Variants in ZXDC observed in about 807,000 individuals in gnomAD.
ZXDC encodes the protein ZXD family zinc finger C.
Under a neutral mutation model 63.6 loss-of-function variants are expected in ZXDC, and 58 were observed. The observed-to-expected ratio is 0.91, with a 90% CI of 0.74 to 1.13. ZXDC has a LOEUF of 1.13. ZXDC is among the 50% of genes most tolerant of loss of function. The pLI is 0.00. For synonymous variants in ZXDC, 561 were observed against 496.1 expected, an observed-to-expected ratio of 1.13 and a Z score of -1.74; for missense variants, 1,133 against 1,148.9, an observed-to-expected ratio of 0.99 and a Z score of 0.20.
Position 126,460,833 on chromosome 3 carries a change from A to G in ZXDC, c.2127+702T>C. 3.0e-6 allele frequency: 3 copies of G among 985,452 alleles called. No homozygotes were observed. In the South Asian group the frequency reaches 1.4e-4, roughly 46 times the overall value. 61.0% of individuals were successfully genotyped at this position (985,452 alleles called of 1,614,324 possible). A position where few individuals can be genotyped will look rare whatever the true frequency, so the allele number is the denominator to read the frequency against. Reference sequence around the variant, plus strand: ...TGTAACATTTTTTAAAAGTTGTGGTAAAATAAGATGTAACATTCTCAACAA... The same window carrying G: ...TGTAACATTTTTTAAAAGTTGTGGTGAAATAAGATGTAACATTCTCAACAA... On this transcript the variant is annotated intron_variant, in intron 6 of 9. Transcript: ENST00000389709.
rs752070651 is a variant in ZXDC at position 126,461,715 on chromosome 3, A to C, written c.1947T>G (p.Asn649Lys). 2.0e-5 allele frequency: 32 copies of C among 1,608,114 alleles called. No homozygotes were observed. In the Admixed American group the frequency reaches 2.5e-4, roughly 13 times the overall value. Residue 649 changes from asparagine (N) to lysine (K), a missense_variant, in exon 6 of 10, where the codon AAT becomes AAG. Physicochemically the swap from Asn to Lys is moderately conservative, Grantham distance 94 (BLOSUM62 0). Transcript: ENST00000389709. ...TPTSSSTPRE[N>K]ASVPELLAPI... Reference sequence around the variant, plus strand: ...GAGCCAGCAGTTCCGGGACACTGGCATTTTCTCGGGGGGTGCTCGAAGAGG... The same window carrying C: ...GAGCCAGCAGTTCCGGGACACTGGCCTTTTCTCGGGGGGTGCTCGAAGAGG...
chr3:126,440,991 G>A (rs1396030706), intron 8 of ZXDC: 1 of 985,492 alleles, frequency 1.0e-6, no homozygotes, highest in African/African-American at 1.7e-5. Context: ...CCTGCCACAG[G>A]GAATCTACAA....
At position 126,462,013 on chromosome 3, in the gene ZXDC, C is replaced by G; in HGVS notation, c.1649G>C (p.Gly550Ala). The change falls in exon 6 of 10, where the codon GGA (glycine) becomes GCA (alanine). Residue 550 changes from glycine to alanine, a missense_variant. By Grantham distance (60) the Gly-to-Ala change is moderately conservative. Transcript: ENST00000389709. ...IDVTSVSSSL[G>A]GNLPANNSSL... ...GCTATTATTAGCAGGGAGGTTCCCT[C>G]CCAGAGAGGAGCTCACAGAAGTGAC... 1 of 1,614,094 alleles carries G rather than the reference C, an allele frequency of 6.2e-7. No individual in the cohort carries two copies. The highest frequency in any genetic ancestry group is 8.5e-7 in the Non-Finnish European group (1 of 1,180,028).
At chr3:126,465,096 G>A (rs961129144) in intron 5 of ZXDC, among the ~76,000 whole-genome samples, 1 of 152,230 alleles carries the variant, frequency 6.6e-6, no homozygotes, top group Non-Finnish European at 1.5e-5. Flanking sequence ...GTGCTCTGCT[G>A]TGGTGCTGCT....
At position 126,461,222 on chromosome 3, in the gene ZXDC, A is replaced by C; in HGVS notation, c.2127+313T>G. The C allele has an allele frequency of 7.2e-6, 8 of 1,105,696 alleles. No homozygotes were observed. In the South Asian group the frequency reaches 2.7e-4, roughly 38 times the overall value. The allele number at this position is 1,105,696 out of a possible 1,614,324, so 68.5% of individuals were successfully genotyped here. On this transcript the variant is annotated intron_variant, in intron 6 of 9. Transcript: ENST00000389709. Reference sequence around the variant, plus strand: ...GAGCTGACAAGCATAGAGGCAAAGTATCTCAACATTACAAAACCCCCAATC... The same window carrying C: ...GAGCTGACAAGCATAGAGGCAAAGTCTCTCAACATTACAAAACCCCCAATC...
At chr3:126,458,649 G>A in intron 7 of ZXDC, 1 of 985,414 alleles carries the variant, frequency 1.0e-6, no homozygotes, top group Non-Finnish European at 1.2e-6. Flanking sequence ...TAGGACACGT[G>A]TTATATACTT....
chr3:126,446,195 G>C (rs894258535), intron 7 of ZXDC, among the ~76,000 whole-genome samples: 1 of 152,190 alleles, frequency 6.6e-6, no homozygotes, highest in Admixed American at 6.5e-5. Flanking sequence ...TTGTGCTGGA[G>C]AATCTGCAGG....
intron 7 of ZXDC, among the ~76,000 whole-genome samples, chr3:126,458,383 C>T (rs144251164): frequency 0.023 from 3,564 of 151,976 alleles, 139 homozygotes; most frequent in African/African-American, 0.082. Flanking sequence ...ATTACAGACA[C>T]GTGCCACCAC....
intron 4 of ZXDC, among the ~76,000 whole-genome samples, chr3:126,466,560 C>T (rs897421712): frequency 1.3e-5 from 2 of 152,212 alleles, no homozygotes; most frequent in East Asian, 3.8e-4. Context: ...GAAGTCCTAC[C>T]TCAGCTATGC....
rs1323487470 is a variant in ZXDC at position 126,475,239 on chromosome 3, C to T, written c.627G>A (p.Lys209=). The T allele has an allele frequency of 5.1e-6, 8 of 1,560,736 alleles. No individual in the cohort carries two copies. In the African/African-American group the frequency reaches 8.2e-5, roughly 16 times the overall value. ...CCCAACCACAGCCCTCCAGTGGGCA[C>T]TTGAAGGGCCGCCGGCCCTGACCGC... ...HGGGQGRRPF[K]CPLEGCGWAF... The change falls in exon 1 of 10, where the codon AAG becomes AAA. Residue 209 remains lysine, a synonymous_variant. Coordinates refer to ENST00000389709, the MANE Select transcript of ZXDC (RefSeq NM_025112.5).
At position 126,461,948 on chromosome 3, in the gene ZXDC, T is replaced by C. The variant is rs1414764225; in HGVS notation, c.1714A>G (p.Ser572Gly). 3 of 1,614,072 alleles carry C rather than the reference T, an allele frequency of 1.9e-6. No individual in the cohort carries two copies. The highest frequency in any genetic ancestry group is 2.5e-6 in the Non-Finnish European group (3 of 1,180,020). The part of the protein sequence containing the change: ...PMEPLVLVAH[S>G]DIPPSLDSPL... ...CTGTCCAGGCTTGGGGGAATATCAC[T>C]GTGGGCCACCAGGACCAGGGGTTCC... The change falls in exon 6 of 10, where the codon AGT (serine) becomes GGT (glycine). Residue 572 changes from serine to glycine, a missense_variant. Transcript: ENST00000389709.
rs1400109345 is a variant in ZXDC, at chr3:126,472,268, A to G, written c.945T>C (p.Phe315=). 3 of 1,612,384 alleles carry G rather than the reference A, an allele frequency of 1.9e-6. No individual in the cohort carries two copies. The highest frequency in any genetic ancestry group is 2.5e-6 in the Non-Finnish European group (3 of 1,178,568). The part of the protein sequence containing the change: ...EKTFITVSAL[F]SHNRAHFREQ... ...CCCTGAAGTGGGCTCGGTTATGGGA[A>G]AACAGGGCACTCACTGTGATAAATG... Residue 315 remains phenylalanine, a synonymous_variant, in exon 2 of 10, where the codon TTT becomes TTC. Transcript: ENST00000389709.
chr3:126,469,817 C>T (rs1330836836), intron 4 of ZXDC, among the ~76,000 whole-genome samples: 4 of 152,266 alleles, frequency 2.6e-5, no homozygotes, highest in Non-Finnish European at 5.9e-5. Flanking sequence ...GTCTGCACCT[C>T]CAGCTGAAAC....
chr3:126,454,763 G>A (rs1179083336), intron 7 of ZXDC: 1 of 985,256 alleles, frequency 1.0e-6, no homozygotes, highest in Admixed American at 6.1e-5. Context: ...TTATAGTTCT[G>A]AAGCTGTTCA....
intron 7 of ZXDC, chr3:126,457,333 G>A (rs1277889783): frequency 1.0e-5 from 10 of 985,322 alleles, no homozygotes; most frequent in Non-Finnish European, 1.2e-5. Flanking sequence ...GCGCTGTGCA[G>A]GAATATGTGT....
rs752175174 is a variant in ZXDC at position 126,439,646 on chromosome 3, C to T, written c.2476G>A (p.Val826Ile). ...GGCATCCAGACCTGGAGGACGTAGA[C>T]GGGCAGGTCCACAGTGAGGAAGGGG... is the stretch of plus-strand genomic sequence containing the variant. Reference protein sequence around the residue: ...FLPFLTVDLPVYVLQEVLPSS... With the variant: ...FLPFLTVDLPIYVLQEVLPSS... The change falls in exon 9 of 10, where the codon GTC becomes ATC. Residue 826 changes from valine (V) to isoleucine (I), a missense_variant. Val to Ile is a conservative substitution (Grantham distance 29). Coordinates refer to ENST00000389709, the MANE Select transcript of ZXDC (RefSeq NM_025112.5). 50 of 1,553,430 alleles carry T rather than the reference C, an allele frequency of 3.2e-5. No homozygotes were observed. The Middle Eastern group carries it at 5.0e-4, about 15-fold the overall frequency.
chr3:126,450,320 CACAAG>C (rs1934048605), intron 7 of ZXDC: 1 of 456,546 alleles, frequency 2.2e-6, no homozygotes, highest in South Asian at 1.5e-5. Context: ...CTAAAGAAAA[CACAAG>C]AGCAGACAGC....
intron 9 of ZXDC, among the ~76,000 whole-genome samples, chr3:126,439,232 T>C (rs573066611): frequency 6.6e-6 from 1 of 152,268 alleles, no homozygotes. Flanking sequence ...CTATACGCTT[T>C]CGCTATTTCA....
chr3:126,454,259 G>GTTTC (rs1424084964), intron 7 of ZXDC: 3 of 984,656 alleles, frequency 3.0e-6, no homozygotes, highest in African/African-American at 1.7e-5. Flanking sequence ...CAAACTGCTA[G>GTTTC]TTTCTATACA....
Sources: allele counts gnomAD v4.1 joint callset (sites outside exome capture counted in the v4.1 genomes callset), GRCh38; gene constraint gnomAD v4.1.1; transcripts MANE v1.5; gene names NCBI Gene and HGNC (gene_info 2026-07-23, HGNC 2026-07-21).